BTAF1: variants seen among roughly 807,000 people sequenced by gnomAD.
BTAF1 encodes TATA-binding protein-associated factor 172.
A neutral mutation model predicts 227.1 loss-of-function variants in BTAF1; 38 were observed. That is an observed-to-expected ratio of 0.17 (90% CI 0.13 to 0.22). The LOEUF (loss-of-function observed/expected upper bound fraction) is 0.22, where lower values mean the gene tolerates loss of function less well. BTAF1 is among the 10% of genes least tolerant of loss of function. BTAF1 has a pLI of 1.00. For missense variants in BTAF1, 1,598 were observed against 2,204.0 expected, an observed-to-expected ratio of 0.73 and a Z score of 5.51; for synonymous variants, 742 against 751.9, an observed-to-expected ratio of 0.99 and a Z score of 0.21.
At chr10:91,971,177 A>G (rs1306208629) in intron 14 of BTAF1, among the ~76,000 whole-genome samples, 2 of 151,872 alleles carry the variant, frequency 1.3e-5, no homozygotes, top group African/African-American at 2.4e-5. Flanking sequence ...ATTATTTTTC[A>G]TAACTTTTCA....
chr10:91,985,385 C>T lies in BTAF1; in HGVS notation c.2427+981C>T, dbSNP rs543224206. On this transcript the variant is annotated intron_variant, in intron 19 of 37. Coordinates refer to ENST00000265990, the MANE Select transcript of BTAF1 (RefSeq NM_003972.3). ...TACCACAACTAGTTTAAGCCATTCT[C>T]CCGTTTATGGACACTTTGGCTGTTA... Among the ~76,000 whole-genome samples the T allele has an allele frequency of 7.9e-5, 12 of 152,152 alleles. No homozygotes were observed. The South Asian group carries it at 2.3e-3, about 29-fold the overall frequency.
chr10:91,993,695 C>A lies in BTAF1; in HGVS notation c.3047C>A (p.Ala1016Asp). ...TTTTATCTAACATTTAATTTTAAGG[C>A]CCAGAAGCCTTACCTGGTACAACGG... ...SGNILVELDE[A>D]QKPYLVQRRG... Residue 1016 changes from alanine to aspartate, a missense_variant and splice_region_variant, in exon 22 of 38, where the codon GCC becomes GAC. Transcript: ENST00000265990. 1 of 1,484,014 alleles carries A rather than the reference C, an allele frequency of 6.7e-7. No individual in the cohort carries two copies. The highest frequency in any genetic ancestry group is 9.0e-7 in the Non-Finnish European group (1 of 1,105,904). 91.9% of individuals were successfully genotyped at this position (1,484,014 alleles called of 1,614,324 possible). A position where few individuals can be genotyped will look rare whatever the true frequency, so the allele number is the denominator to read the frequency against.
At chr10:91,934,660 C>T (rs1485390365) in intron 1 of BTAF1, among the ~76,000 whole-genome samples, 2 of 152,166 alleles carry the variant, frequency 1.3e-5, no homozygotes, top group African/African-American at 4.8e-5. Flanking sequence ...AAGGTCTCCA[C>T]GGTAGGGTTC....
intron 6 of BTAF1, among the ~76,000 whole-genome samples, chr10:91,955,844 A>G (rs1010346004): frequency 6.6e-6 from 1 of 152,196 alleles, no homozygotes; most frequent in Non-Finnish European, 1.5e-5. Flanking sequence ...ATCACCTTAT[A>G]GAAAAAATGG....
At chr10:91,984,069 T>C in intron 18 of BTAF1, 132 bp from the exon 19 acceptor site, 6 of 772,892 alleles carry the variant, frequency 7.8e-6, no homozygotes, top group Non-Finnish European at 1.2e-5. Flanking sequence ...TTAACTGTTG[T>C]TTGGAGAAGT....
chr10:91,959,730 GTGTGTGTGTGTATATA>G, intron 9 of BTAF1, 39 bp from the exon 10 acceptor site: 2 of 405,334 alleles, frequency 4.9e-6, no homozygotes, highest in African/African-American at 8.4e-5. Context: ...GTGTGTGTGT[GTGTGTGTGTGTATATA>G]TATATATATA....
chr10:91,940,128 T>C lies in BTAF1; in HGVS notation c.253+62T>C. On this transcript the variant is annotated intron_variant, in intron 3 of 37. Transcript: ENST00000265990. ...CCTAACTGTAGAATTAATTATAATA[T>C]GCGTTTTGTATTTTAATAATTTCAA... 6 of 1,046,008 alleles carry C rather than the reference T, an allele frequency of 5.7e-6. No individual in the cohort carries two copies. The Admixed American group carries it at 8.5e-5, about 15-fold the overall frequency. 64.8% of individuals were successfully genotyped at this position (1,046,008 alleles called of 1,614,324 possible).
chr10:91,982,385 A>G, intron 17 of BTAF1, 160 bp downstream of exon 17: 1 of 1,058,522 alleles, frequency 9.4e-7, no homozygotes, highest in Non-Finnish European at 1.3e-6. Context: ...AAATACTTCT[A>G]ATTATTTTAA....
At position 91,993,789 on chromosome 10, in the gene BTAF1, A is replaced by C. The variant is rs1848964186; in HGVS notation, c.3141A>C (p.Pro1047=). 6.2e-7 allele frequency: 1 copy of C among 1,609,778 alleles called. No individual in the cohort carries two copies. Among genetic ancestry groups the C allele is most frequent in the African/African-American group, 1.3e-5 (1 of 74,904 alleles). Residue 1047 remains proline (P), a synonymous_variant, in exon 22 of 38, where the codon CCA becomes CCC. Transcript: ENST00000265990. ...GTGGTGAAATGGCAGTGAAGTTGCC[A>C]CATCTCTGGGATGCTATGGTTGGCC... ...HFGGEMAVKL[P]HLWDAMVGPL... is the part of the protein sequence containing the mutation.
At chr10:92,027,045 T>C (rs962557280) in intron 36 of BTAF1, 85 bp from the exon 37 acceptor site, 1 of 1,372,004 alleles carries the variant, frequency 7.3e-7, no homozygotes, top group Non-Finnish European at 1.0e-6. Context: ...TAGTATAAAA[T>C]AGTACAAGTC....
chr10:91,952,943 T>A (rs1845865656), intron 5 of BTAF1, among the ~76,000 whole-genome samples: 1 of 152,182 alleles, frequency 6.6e-6, no homozygotes, highest in African/African-American at 2.4e-5. Context: ...CAGATCAGAT[T>A]AATTGGGTGC....
rs969389265 is a variant in BTAF1, at chr10:92,007,210, C to CTTTTT, written c.3661-891_3661-887dup. Among the ~76,000 whole-genome samples, 108 of 61,270 alleles carry CTTTTT rather than the reference C, an allele frequency of 1.8e-3. 12 individuals carry two copies. The highest frequency in any genetic ancestry group is 2.3e-3 in the Non-Finnish European group (71 of 30,508). The allele number at this position is 61,270 out of a possible 152,430, so 40.2% of individuals were successfully genotyped here. ...ACTGCTCTATCAAGGTATTTTTTGT[C>CTTTTT]TTTTTTTTTTTTTTTTTTTTTTTTT... On this transcript the variant is annotated intron_variant, in intron 25 of 37. Coordinates refer to ENST00000265990, the MANE Select transcript of BTAF1 (RefSeq NM_003972.3).
At chr10:91,960,284 C>A in intron 11 of BTAF1, 130 bp downstream of exon 11, 1 of 976,898 alleles carries the variant, frequency 1.0e-6, no homozygotes, top group Non-Finnish European at 1.5e-6. Flanking sequence ...GATTTGCCGT[C>A]TTGAGAGAGT....
chr10:91,942,513 T>C lies in BTAF1; in HGVS notation c.345T>C (p.Gly115=), dbSNP rs1845086161. ...ATATATGTAGATTGTTACAACATGG[T>C]GCATCACTCCTGGGATCTGCTGGTG... ...RFDICRLLQH[G]ASLLGSAGAE... Residue 115 remains glycine (G), a synonymous_variant, in exon 4 of 38, where the codon GGT becomes GGC. Transcript: ENST00000265990. The C allele has an allele frequency of 1.2e-6, 2 of 1,614,158 alleles. No individual in the cohort carries two copies. Among genetic ancestry groups the C allele is most frequent in the South Asian group, 2.2e-5 (2 of 91,082 alleles).
chr10:91,952,689 A>G (rs1331146718), intron 5 of BTAF1, among the ~76,000 whole-genome samples: 1 of 152,114 alleles, frequency 6.6e-6, no homozygotes, highest in African/African-American at 2.4e-5. Flanking sequence ...ATGATGAGTA[A>G]CTTCTGCAGA....
chr10:91,949,780 T>A (rs1845619878), intron 4 of BTAF1, among the ~76,000 whole-genome samples: 2 of 152,254 alleles, frequency 1.3e-5, no homozygotes, highest in South Asian at 4.2e-4. Flanking sequence ...TTTCCCTTTC[T>A]AACTTCCTGG....
At chr10:91,992,026 A>G (rs1232881290) in intron 20 of BTAF1, 93 bp from the exon 21 acceptor site, 2 of 1,073,712 alleles carry the variant, frequency 1.9e-6, no homozygotes, top group Non-Finnish European at 2.6e-6. Context: ...CCTAAAAGAC[A>G]TAGTTTAAAA....
At chr10:91,925,147 T>G (rs1218674438) in intron 1 of BTAF1, among the ~76,000 whole-genome samples, 1 of 151,954 alleles carries the variant, frequency 6.6e-6, no homozygotes, top group Non-Finnish European at 1.5e-5. Context: ...CCCATGGGAG[T>G]TGGGTGAAGG....
At chr10:92,028,385 T>C (rs1162295173) in intron 37 of BTAF1, among the ~76,000 whole-genome samples, 2 of 152,180 alleles carry the variant, frequency 1.3e-5, no homozygotes, top group Non-Finnish European at 2.9e-5. Flanking sequence ...TTTATATGGT[T>C]ATGTAAGAGA....
Sources: allele counts gnomAD v4.1 joint callset (sites outside exome capture counted in the v4.1 genomes callset), GRCh38; gene constraint gnomAD v4.1.1; transcripts MANE v1.5; gene names NCBI Gene and HGNC (gene_info 2026-07-23, HGNC 2026-07-21).